The following NFIB variants were observed in gnomAD, a reference collection of about 807,000 sequenced individuals.
NFIB encodes nuclear factor 1 B-type.
A neutral mutation model predicts 61.5 loss-of-function variants in NFIB; 11 were observed. The ratio of observed to expected loss-of-function variants is 0.18; its 90% CI spans 0.11 to 0.30. The LOEUF is 0.30. NFIB is among the 10% of genes least tolerant of loss of function. NFIB has a pLI of 1.00. For missense variants in NFIB, 471 were observed against 608.9 expected (o/e 0.77, Z 2.38); for synonymous variants, 260 against 216.5 (o/e 1.20, Z -1.76).
intron 1 of NFIB, among the ~76,000 whole-genome samples, chr9:14,311,731 A>G (rs1436042765): frequency 6.6e-6 from 1 of 152,332 alleles, no homozygotes; most frequent in Non-Finnish European, 1.5e-5. Flanking sequence ...AATTGCTAGC[A>G]ATGTTTCTGA....
intron 2 of NFIB, among the ~76,000 whole-genome samples, chr9:14,287,204 G>A (rs1330676107): frequency 2.0e-5 from 3 of 151,024 alleles, no homozygotes; most frequent in Non-Finnish European, 4.4e-5. Flanking sequence ...GGCCGAGGCG[G>A]GCGGATCACG....
chr9:14,501,972 C>A, the NFIB span, among the ~76,000 whole-genome samples: 1 of 152,160 alleles, frequency 6.6e-6, no homozygotes, highest in Non-Finnish European at 1.5e-5. Flanking sequence ...ATGAACAGAC[C>A]TCTGCTGGCC....
chr9:14,366,984 G>C (rs1218874935), intron 1 of NFIB, among the ~76,000 whole-genome samples: 2 of 151,996 alleles, frequency 1.3e-5, no homozygotes, highest in African/African-American at 2.4e-5. Flanking sequence ...CAAGAGTTTT[G>C]GCTGTCTCTC....
At chr9:14,356,845 A>G (rs2132933246) in intron 1 of NFIB, among the ~76,000 whole-genome samples, 1 of 152,234 alleles carries the variant, frequency 6.6e-6, no homozygotes, top group South Asian at 2.1e-4. Flanking sequence ...GCTGAAAGGA[A>G]TGTCAGTCAC....
the NFIB span, among the ~76,000 whole-genome samples, chr9:14,465,027 T>C: frequency 3.3e-5 from 5 of 152,172 alleles, no homozygotes; most frequent in African/African-American, 1.2e-4. Context: ...GTCAGTTAAA[T>C]TTTAAATAAC....
Position 14,082,348 on chromosome 9 carries a change from A to C in NFIB, c.*5961T>G. The C allele has an allele frequency of 4.9e-6, 1 of 204,970 alleles. No individual in the cohort carries two copies. Among genetic ancestry groups the C allele is most frequent in the Non-Finnish European group, 1.0e-5 (1 of 99,790 alleles). The allele number at this position is 204,970 out of a possible 1,614,324, so 12.7% of individuals were successfully genotyped here. A position where few individuals can be genotyped will look rare whatever the true frequency, so the allele number is the denominator to read the frequency against. On this transcript the variant is annotated 3_prime_UTR_variant, in exon 11 of 11. Transcript: ENST00000380953. ...ACTACTCGTCACCTACAGTTGTACT[A>C]AATGTATCTAAAGAAACACACAGTC...
the NFIB span, among the ~76,000 whole-genome samples, chr9:14,441,721 T>G: frequency 6.6e-6 from 1 of 151,996 alleles, no homozygotes; most frequent in Admixed American, 6.5e-5. Context: ...GGTGAGTGAA[T>G]GGGCCGTGGA....
the NFIB span, among the ~76,000 whole-genome samples, chr9:14,417,516 G>T: frequency 6.6e-6 from 1 of 152,114 alleles, no homozygotes; most frequent in African/African-American, 2.4e-5. Flanking sequence ...CAAGATGATG[G>T]TCCAAATGCA....
rs1315513567 is a variant in NFIB at position 14,217,675 on chromosome 9, A to AAAAAAAAAAAAAAAAAAAAAC, written c.563-37896_563-37895insGTTTTTTTTTTTTTTTTTTTT. 2.0e-5 allele frequency among the ~76,000 whole-genome samples: 3 copies of AAAAAAAAAAAAAAAAAAAAAC among 151,362 alleles called. 1 individual carries two copies. Among genetic ancestry groups the AAAAAAAAAAAAAAAAAAAAAC allele is most frequent in the East Asian group, 3.9e-4 (2 of 5,166 alleles). On this transcript the variant is annotated intron_variant, in intron 2 of 10. Coordinates refer to ENST00000380953, the MANE Select transcript of NFIB (RefSeq NM_001190737.2). ...AACTCCATCTCAAAAAAAAAAAAAA[A>AAAAAAAAAAAAAAAAAAAAAC]AAAAAAGACACAAACTAAGCAAACT...
At chr9:14,136,906 G>A (rs2041110324) in intron 6 of NFIB, among the ~76,000 whole-genome samples, 1 of 152,052 alleles carries the variant, frequency 6.6e-6, no homozygotes, top group South Asian at 2.1e-4. Context: ...AAATTGTAGT[G>A]TTTAAGTTCA....
At chr9:14,255,639 C>T (rs894391665) in intron 2 of NFIB, among the ~76,000 whole-genome samples, 3 of 152,136 alleles carry the variant, frequency 2.0e-5, no homozygotes, top group African/African-American at 7.2e-5. Context: ...ATTAACCCTC[C>T]TAACATCCTT....
chr9:14,290,085 C>T (rs1350218794), intron 2 of NFIB, among the ~76,000 whole-genome samples: 2 of 151,992 alleles, frequency 1.3e-5, no homozygotes, highest in Non-Finnish European at 2.9e-5. Context: ...GTAAAGTATA[C>T]TGGATTGTAC....
chr9:14,205,055 T>C (rs62532548), intron 2 of NFIB: 21,334 of 226,514 alleles, frequency 0.094, 1,299 homozygotes, highest in Non-Finnish European at 0.13. Context: ...ATGTACACTG[T>C]TGAGTTTTCT....
chr9:14,422,460 G>T, the NFIB span, among the ~76,000 whole-genome samples: 1 of 152,152 alleles, frequency 6.6e-6, no homozygotes, highest in African/African-American at 2.4e-5. Context: ...AGAAAGTAAG[G>T]CTCCTTTCTC....
intron 2 of NFIB, among the ~76,000 whole-genome samples, chr9:14,248,439 C>G (rs1420880333): frequency 6.6e-6 from 1 of 151,722 alleles, no homozygotes; most frequent in East Asian, 1.9e-4. Flanking sequence ...TCGGACTAAT[C>G]TTTTATTTTT....
chr9:14,242,893 T>A (rs1360044673), intron 2 of NFIB, among the ~76,000 whole-genome samples: 1 of 152,224 alleles, frequency 6.6e-6, no homozygotes, highest in Non-Finnish European at 1.5e-5. Context: ...ACACACAGGC[T>A]AATGAATATA....
At chr9:14,244,256 T>C (rs2054649517) in intron 2 of NFIB, among the ~76,000 whole-genome samples, 1 of 152,204 alleles carries the variant, frequency 6.6e-6, no homozygotes, top group African/African-American at 2.4e-5. Flanking sequence ...AAAAATTCAG[T>C]TTGTACAACA....
the NFIB span, among the ~76,000 whole-genome samples, chr9:14,426,402 T>C: frequency 2.6e-5 from 4 of 152,226 alleles, no homozygotes; most frequent in Non-Finnish European, 5.9e-5. Context: ...GGATTATAAG[T>C]GAACTGATTT....
At chr9:14,252,969 G>A (rs1408807956) in intron 2 of NFIB, among the ~76,000 whole-genome samples, 2 of 149,822 alleles carry the variant, frequency 1.3e-5, no homozygotes, top group Non-Finnish European at 3.0e-5. Flanking sequence ...AAGGAAGGAA[G>A]GGAGGGAGGG....
Sources: allele counts gnomAD v4.1 joint callset (sites outside exome capture counted in the v4.1 genomes callset), GRCh38; gene constraint gnomAD v4.1.1; transcripts MANE v1.5; gene names NCBI Gene and HGNC (gene_info 2026-07-23, HGNC 2026-07-21).